The following IQCM variants were observed in gnomAD, a reference collection of about 807,000 sequenced individuals.
IQCM encodes the protein IQ motif containing M.
A neutral mutation model predicts 57.6 loss-of-function variants in IQCM; 45 were observed. The ratio of observed to expected loss-of-function variants is 0.78; its 90% CI spans 0.62 to 1.00. IQCM has a LOEUF of 1.00. Among genes scored for constraint, IQCM ranks in the 50% least tolerant of loss-of-function variants. IQCM has a pLI of 0.00. For synonymous variants in IQCM, 148 were observed against 158.9 expected (o/e 0.93, Z 0.51); for missense variants, 468 against 511.6 (o/e 0.91, Z 0.82).
At chr4:149,731,888 G>T (rs761019775) in intron 5 of IQCM, among the ~76,000 whole-genome samples, 1 of 152,054 alleles carries the variant, frequency 6.6e-6, no homozygotes, top group Admixed American at 6.6e-5. Flanking sequence ...TCTAACCAAA[G>T]AACCCTTTGT....
intron 8 of IQCM, among the ~76,000 whole-genome samples, chr4:149,599,149 T>C (rs1754042288): frequency 2.0e-5 from 3 of 152,106 alleles, no homozygotes; most frequent in Admixed American, 1.3e-4. Flanking sequence ...CAATAAGAAA[T>C]AACTTTTTTA....
At chr4:149,379,985 T>G (rs1191882991) in intron 13 of IQCM, among the ~76,000 whole-genome samples, 1 of 152,118 alleles carries the variant, frequency 6.6e-6, no homozygotes, top group Non-Finnish European at 1.5e-5. Flanking sequence ...ATCTGATGGT[T>G]TTATAAGGGG....
intron 12 of IQCM, 97 bp downstream of exon 12, chr4:149,548,358 G>C: frequency 9.9e-7 from 1 of 1,011,818 alleles, no homozygotes; most frequent in Non-Finnish European, 1.3e-6. Context: ...GGGAAGGAAT[G>C]AAGAAAGGAA....
At chr4:149,798,364 A>G (rs1358571453) in intron 2 of IQCM, among the ~76,000 whole-genome samples, 3 of 152,110 alleles carry the variant, frequency 2.0e-5, no homozygotes, top group Non-Finnish European at 2.9e-5. Flanking sequence ...AATATAAAGC[A>G]AGAAACTAAA....
chr4:149,596,708 A>T (rs1231013404), intron 8 of IQCM, among the ~76,000 whole-genome samples: 1 of 152,106 alleles, frequency 6.6e-6, no homozygotes. Context: ...ATGACAATAT[A>T]CCATTTACCT....
At chr4:149,499,299 G>T (rs1246225197) in intron 12 of IQCM, among the ~76,000 whole-genome samples, 1 of 151,998 alleles carries the variant, frequency 6.6e-6, no homozygotes, top group Non-Finnish European at 1.5e-5. Context: ...ACATGCATGT[G>T]CATATACCTG....
At chr4:149,771,726 T>C (rs1439811090) in intron 2 of IQCM, among the ~76,000 whole-genome samples, 1 of 152,112 alleles carries the variant, frequency 6.6e-6, no homozygotes, top group Non-Finnish European at 1.5e-5. Flanking sequence ...ACTCCATGTG[T>C]CTTTACATTC....
chr4:149,805,102 G>A (rs188828564), intron 2 of IQCM, among the ~76,000 whole-genome samples: 2 of 152,184 alleles, frequency 1.3e-5, no homozygotes, highest in African/African-American at 2.4e-5. Context: ...CACCAGTAAT[G>A]AGCAGTAAGA....
At chr4:149,718,872 A>C (rs1277495771) in intron 5 of IQCM, among the ~76,000 whole-genome samples, 1 of 152,216 alleles carries the variant, frequency 6.6e-6, no homozygotes, top group Non-Finnish European at 1.5e-5. Flanking sequence ...GCCAACCTAG[A>C]TAATCCAAGA....
At chr4:149,591,973 CG>C (rs1163292593) in intron 8 of IQCM, among the ~76,000 whole-genome samples, 1 of 152,070 alleles carries the variant, frequency 6.6e-6, no homozygotes, top group Non-Finnish European at 1.5e-5. Context: ...TACCCAGTAA[CG>C]GGATGGCTGG....
intron 10 of IQCM, among the ~76,000 whole-genome samples, chr4:149,561,216 G>A (rs1042089619): frequency 1.3e-5 from 2 of 152,100 alleles, no homozygotes; most frequent in African/African-American, 4.8e-5. Context: ...TCTCCGTATA[G>A]AAATTCAGCA....
chr4:149,404,018 C>A (rs568621852), intron 13 of IQCM, among the ~76,000 whole-genome samples: 1 of 152,038 alleles, frequency 6.6e-6, no homozygotes, highest in South Asian at 2.1e-4. Flanking sequence ...TATTAGCAAG[C>A]ATTTATTAAG....
intron 7 of IQCM, among the ~76,000 whole-genome samples, chr4:149,673,713 AT>A (rs1192868255): frequency 6.6e-6 from 1 of 152,150 alleles, no homozygotes; most frequent in Non-Finnish European, 1.5e-5. Flanking sequence ...AGACAGATCA[AT>A]GAGACAGAAA....
chr4:149,745,208 G>A (rs1029473127), intron 2 of IQCM, among the ~76,000 whole-genome samples: 2 of 152,138 alleles, frequency 1.3e-5, no homozygotes, highest in Non-Finnish European at 2.9e-5. Context: ...TCGTAGTCTG[G>A]GGGACATCAA....
intron 8 of IQCM, among the ~76,000 whole-genome samples, chr4:149,596,964 C>T (rs1753833615): frequency 6.6e-6 from 1 of 151,964 alleles, no homozygotes; most frequent in East Asian, 1.9e-4. Flanking sequence ...AAGCAGCAAT[C>T]AAGGAATCAG....
At chr4:149,602,035 C>CAAAAAA (rs1236897737) in intron 8 of IQCM, among the ~76,000 whole-genome samples, 1 of 35,452 alleles carries the variant, frequency 2.8e-5, no homozygotes, top group African/African-American at 9.7e-5. Flanking sequence ...GCCTGGGCGA[C>CAAAAAA]AAAAAAAAAA....
chr4:149,678,843 C>A (rs1266215282), intron 7 of IQCM, among the ~76,000 whole-genome samples: 1 of 151,450 alleles, frequency 6.6e-6, no homozygotes, highest in African/African-American at 2.4e-5. Context: ...TATGATATTA[C>A]CCCAGTTAAA....
At chr4:149,704,331 G>C (rs1231092975) in intron 5 of IQCM, among the ~76,000 whole-genome samples, 1 of 151,840 alleles carries the variant, frequency 6.6e-6, no homozygotes, top group Non-Finnish European at 1.5e-5. Context: ...GGTTAGAACA[G>C]GGATTGGCAA....
chr4:149,510,781 TG>T (rs1744324392), intron 12 of IQCM, among the ~76,000 whole-genome samples: 1 of 152,222 alleles, frequency 6.6e-6, no homozygotes, highest in African/African-American at 2.4e-5. Context: ...ACTGGGGTTA[TG>T]TGTTTGTAGA....
Sources: gnomAD v4.1 joint callset for allele counts (sites outside exome capture counted in the v4.1 genomes callset) on GRCh38, gnomAD v4.1.1 for gene constraint, MANE v1.5 for transcripts, NCBI Gene and HGNC (gene_info 2026-07-23, HGNC 2026-07-21) for gene names.